PODXL: variants seen among roughly 807,000 people sequenced by gnomAD.
PODXL encodes podocalyxin like.
PODXL carries 20 observed loss-of-function variants against 48.9 expected under a neutral mutation model. The ratio of observed to expected loss-of-function variants is 0.41; its 90% CI spans 0.29 to 0.59. The LOEUF is 0.59. PODXL is among the 20% of genes least tolerant of loss of function. The probability of loss-of-function intolerance (pLI) is 0.31; values close to 1 mark genes in which losing one functional copy is unlikely to be tolerated. For missense variants in PODXL, 606 were observed against 675.1 expected, an observed-to-expected ratio of 0.90 and a Z score of 1.13; for synonymous variants, 295 against 287.4, an observed-to-expected ratio of 1.03 and a Z score of -0.27.
intron 1 of PODXL, among the ~76,000 whole-genome samples, chr7:131,533,848 C>A (rs1286002849): frequency 6.6e-6 from 1 of 152,302 alleles, no homozygotes; most frequent in East Asian, 1.9e-4. Flanking sequence ...AGCTGTATAA[C>A]CAGGCAAGAG....
intron 1 of PODXL, among the ~76,000 whole-genome samples, chr7:131,541,133 G>A (rs1391597652): frequency 2.0e-5 from 3 of 152,196 alleles, no homozygotes; most frequent in Non-Finnish European, 4.4e-5. Context: ...CGTGCATGCT[G>A]GGGTTGGAGC....
intron 1 of PODXL, among the ~76,000 whole-genome samples, chr7:131,534,129 A>G (rs960081175): frequency 6.6e-6 from 1 of 152,040 alleles, no homozygotes; most frequent in African/African-American, 2.4e-5. Flanking sequence ...CGAGCCACTC[A>G]CACCTGCACA....
intron 6 of PODXL, 67 bp from the exon 7 acceptor site, chr7:131,506,388 G>A (rs908634636): frequency 2.9e-5 from 45 of 1,540,730 alleles, no homozygotes; most frequent in South Asian, 1.9e-4. Context: ...CGGGGACTGC[G>A]CCCCAAGAGA....
intron 1 of PODXL, among the ~76,000 whole-genome samples, chr7:131,541,688 A>T (rs1485521053): frequency 2.0e-5 from 3 of 150,810 alleles, no homozygotes; most frequent in Non-Finnish European, 4.4e-5. Flanking sequence ...AAAAAAAAAA[A>T]GACAAACAAA....
rs1206314614 is a variant in PODXL, at chr7:131,519,570, C to CA, written c.101-8138dup. 4.0e-5 allele frequency among the ~76,000 whole-genome samples: 6 copies of CA among 148,454 alleles called. 1 individual carries two copies. The highest frequency in any genetic ancestry group is 1.3e-4 in the Admixed American group (2 of 14,970). The stretch of plus-strand genomic sequence containing the variant: ...TTTTTTAAACAGGCTAATAAAGTGC[C>CA]AAAAAGTCTTTGGAGAGGTTGATCA... On this transcript the variant is annotated intron_variant, in intron 1 of 8. Coordinates refer to ENST00000378555, the MANE Select transcript of PODXL (RefSeq NM_001018111.3).
At chr7:131,510,795 C>T in intron 2 of PODXL, 33 bp downstream of exon 2, 1 of 1,613,712 alleles carries the variant, frequency 6.2e-7, no homozygotes, top group South Asian at 1.1e-5. Flanking sequence ...TGAAAAGTTT[C>T]TTGGTGCTTG....
At chr7:131,521,047 A>C (rs1798084667) in intron 1 of PODXL, among the ~76,000 whole-genome samples, 1 of 152,092 alleles carries the variant, frequency 6.6e-6, no homozygotes, top group Non-Finnish European at 1.5e-5. Flanking sequence ...AGGTGCCTGT[A>C]ATCCCAGCTA....
At position 131,537,681 on chromosome 7, in the gene PODXL, C is replaced by A. The variant is rs1013094228; in HGVS notation, c.100+18579G>T. Among the ~76,000 whole-genome samples, 4 of 144,666 alleles carry A rather than the reference C, an allele frequency of 2.8e-5. No individual in the cohort carries two copies. In the South Asian group the frequency reaches 6.4e-4, roughly 23 times the overall value. The allele number at this position is 144,666 out of a possible 152,430, so 94.9% of individuals were successfully genotyped here. On this transcript the variant is annotated intron_variant, in intron 1 of 8. Transcript: ENST00000378555. Reference sequence around the variant, plus strand: ...AGGGAATACACACATTTAACCAGCACCAGATGGTGAAACTGGACAGCTCGT... The same window carrying A: ...AGGGAATACACACATTTAACCAGCAACAGATGGTGAAACTGGACAGCTCGT...
At chr7:131,510,174 T>C (rs1394089211) in intron 3 of PODXL, 62 bp downstream of exon 3, 8 of 442,022 alleles carry the variant, frequency 1.8e-5, no homozygotes, top group Non-Finnish European at 3.1e-5. Context: ...TAAGACAAGC[T>C]CTTATAAATA....
intron 1 of PODXL, among the ~76,000 whole-genome samples, chr7:131,516,184 A>G (rs955282568): frequency 3.9e-5 from 6 of 152,232 alleles, no homozygotes; most frequent in South Asian, 2.1e-4. Flanking sequence ...CCTGGACTCA[A>G]TGGAAACCTA....
At chr7:131,521,357 G>A (rs910890746) in intron 1 of PODXL, among the ~76,000 whole-genome samples, 7 of 146,980 alleles carry the variant, frequency 4.8e-5, no homozygotes, top group East Asian at 4.0e-4. Flanking sequence ...TTTTTGAGAC[G>A]GAGTCTCACT....
At chr7:131,513,663 C>A (rs950096749) in intron 1 of PODXL, among the ~76,000 whole-genome samples, 21 of 152,148 alleles carry the variant, frequency 1.4e-4, no homozygotes, top group African/African-American at 4.8e-4. Context: ...GGAGTGGTGA[C>A]ATCATGCATG....
In PODXL at chr7:131,504,265, T is replaced by C. The variant is rs147776012; in HGVS notation, c.*46A>G. On this transcript the variant is annotated 3_prime_UTR_variant, in exon 9 of 9. Transcript: ENST00000378555. ...CCATCCAAACGGCACTTGGGGTGGT[T>C]GGTCTGGAGCTCTGTGGTGCTGCTG... The C allele has an allele frequency of 1.6e-3, 2,471 of 1,531,814 alleles. 27 individuals are homozygous for C. The African/African-American group carries it at 0.031, about 19-fold the overall frequency. 94.9% of individuals were successfully genotyped at this position (1,531,814 alleles called of 1,614,324 possible). A position where few individuals can be genotyped will look rare whatever the true frequency, so the allele number is the denominator to read the frequency against.
chr7:131,519,072 A>C (rs1014735838), intron 1 of PODXL, among the ~76,000 whole-genome samples: 2 of 152,164 alleles, frequency 1.3e-5, no homozygotes, highest in African/African-American at 4.8e-5. Flanking sequence ...CCTGCTGATG[A>C]ATCTGTTCAG....
In PODXL at chr7:131,509,454, C is replaced by G. The variant is rs1406607342; in HGVS notation, c.934G>C (p.Glu312Gln). 1 of 1,614,046 alleles carries G rather than the reference C, an allele frequency of 6.2e-7. No homozygotes were observed. Among genetic ancestry groups the G allele is most frequent in the Admixed American group, 1.7e-5 (1 of 60,004 alleles). The change falls in exon 4 of 9, where the codon GAG (glutamate) becomes CAG (glutamine). Residue 312 changes from glutamate (E) to glutamine (Q), a missense_variant. Coordinates refer to ENST00000378555, the MANE Select transcript of PODXL (RefSeq NM_001018111.3). ...GCTGTGGGGCTGGAGCTCATGGTCT[C>G]TGGCAGGGTAGGTGTTCTCAATGCC... ...ATALRTPTLP[E>Q]TMSSSPTAAS... is the part of the protein sequence containing the mutation.
Position 131,503,716 on chromosome 7 carries a change from A to AT in PODXL, c.*594dup. 2 of 156,540 alleles carry AT rather than the reference A, an allele frequency of 1.3e-5. No individual in the cohort carries two copies. The highest frequency in any genetic ancestry group is 2.0e-4 in the South Asian group (1 of 5,116). 9.7% of individuals were successfully genotyped at this position (156,540 alleles called of 1,614,324 possible). On this transcript the variant is annotated 3_prime_UTR_variant, in exon 9 of 9. Coordinates refer to ENST00000378555, the MANE Select transcript of PODXL (RefSeq NM_001018111.3). ...ACTGAGTGTAGGGAGGGGTAAGAACATAGAGGGTGGGAAGATGGGTACACG... is the reference window on the plus strand; with the variant it reads ...ACTGAGTGTAGGGAGGGGTAAGAACATTAGAGGGTGGGAAGATGGGTACACG...
At chr7:131,524,497 G>A (rs1798148585) in intron 1 of PODXL, among the ~76,000 whole-genome samples, 1 of 151,662 alleles carries the variant, frequency 6.6e-6, no homozygotes, top group Admixed American at 6.6e-5. Flanking sequence ...ATATACAGAT[G>A]GCAAATAAGC....
intron 1 of PODXL, among the ~76,000 whole-genome samples, chr7:131,548,458 A>T (rs1479862349): frequency 6.6e-6 from 1 of 152,196 alleles, no homozygotes; most frequent in Non-Finnish European, 1.5e-5. Flanking sequence ...TGTTCAACAA[A>T]ATGTGACTAG....
chr7:131,546,087 C>T (rs1466191007), intron 1 of PODXL, among the ~76,000 whole-genome samples: 1 of 152,224 alleles, frequency 6.6e-6, no homozygotes, highest in Non-Finnish European at 1.5e-5. Flanking sequence ...GCACCTCCCC[C>T]ATGCCCTCCC....
Sources: allele counts gnomAD v4.1 joint callset (sites outside exome capture counted in the v4.1 genomes callset), GRCh38; gene constraint gnomAD v4.1.1; transcripts MANE v1.5; gene names NCBI Gene and HGNC (gene_info 2026-07-23, HGNC 2026-07-21).